EPHA5: variants seen among roughly 807,000 people sequenced by gnomAD.
The protein encoded by EPHA5 is ephrin type-A receptor 5.
Under a neutral mutation model 105.0 loss-of-function variants are expected in EPHA5, and 60 were observed. The ratio of observed to expected loss-of-function variants is 0.57; its 90% CI spans 0.46 to 0.71. The LOEUF is 0.71. Among genes scored for constraint, EPHA5 ranks in the 30% least tolerant of loss-of-function variants. EPHA5 has a pLI of 0.00. For missense variants in EPHA5, 1,218 were observed against 1,274.7 expected (o/e 0.96, Z 0.68); for synonymous variants, 513 against 449.1 (o/e 1.14, Z -1.80).
intron 14 of EPHA5, among the ~76,000 whole-genome samples, chr4:65,345,390 G>A (rs1435894372): frequency 6.6e-6 from 1 of 152,222 alleles, no homozygotes; most frequent in Non-Finnish European, 1.5e-5. Context: ...GAAATCATTC[G>A]TGGGAAAGCT....
At chr4:65,522,780 A>T (rs1235977167) in intron 3 of EPHA5, among the ~76,000 whole-genome samples, 2 of 152,132 alleles carry the variant, frequency 1.3e-5, no homozygotes, top group East Asian at 3.9e-4. Flanking sequence ...TCTGTCCTTC[A>T]TGAGCTCTTC....
chr4:65,591,037 C>T (rs1289294672), intron 3 of EPHA5, among the ~76,000 whole-genome samples: 1 of 152,058 alleles, frequency 6.6e-6, no homozygotes, highest in African/African-American at 2.4e-5. Flanking sequence ...CCCCCTACTC[C>T]AGATCTCATT....
chr4:65,346,734 A>T (rs998015683), intron 14 of EPHA5, among the ~76,000 whole-genome samples: 1 of 152,184 alleles, frequency 6.6e-6, no homozygotes, highest in Admixed American at 6.5e-5. Context: ...TACCCATCTG[A>T]CAAATGGCTA....
rs773082683 is a variant in EPHA5 at position 65,353,065 on chromosome 4, C to A, written c.2212G>T (p.Gly738Cys). The change falls in exon 12 of 17, where the codon GGC (glycine) becomes TGC (cysteine). Residue 738 changes from glycine to cysteine, a missense_variant. Gly to Cys is a radical substitution (Grantham distance 159). Transcript: ENST00000613740. ...VMIVTEYMEN[G>C]SLDTFLKKND... ...ACCTTCAAAAATGTATCTAAAGAGC[C>A]ATTCTCCATATACTCTGTCACGATC... The A allele has an allele frequency of 8.9e-6, 14 of 1,566,806 alleles. No individual in the cohort carries two copies. Among genetic ancestry groups the A allele is most frequent in the Non-Finnish European group, 1.2e-5 (14 of 1,158,238 alleles).
At chr4:65,437,082 AAAAC>A (rs139658609) in intron 5 of EPHA5, among the ~76,000 whole-genome samples, 1,566 of 152,214 alleles carry the variant, frequency 0.01, 29 homozygotes, top group African/African-American at 0.036. Context: ...TTAAAATGTA[AAAAC>A]AAACAATAAT....
chr4:65,363,301 C>T (rs1313408309), intron 11 of EPHA5, among the ~76,000 whole-genome samples: 1 of 151,514 alleles, frequency 6.6e-6, no homozygotes, highest in Non-Finnish European at 1.5e-5. Context: ...CACAATAATG[C>T]TATAAGGTAT....
chr4:65,666,295 A>G (rs1035205859), intron 1 of EPHA5, among the ~76,000 whole-genome samples: 14 of 152,206 alleles, frequency 9.2e-5, no homozygotes, highest in African/African-American at 3.1e-4. Context: ...CTGGGACATT[A>G]CTGACTGTAG....
intron 3 of EPHA5, among the ~76,000 whole-genome samples, chr4:65,510,036 T>G (rs1733449136): frequency 6.7e-6 from 1 of 149,156 alleles, no homozygotes; most frequent in Non-Finnish European, 1.5e-5. Flanking sequence ...TACTTCTTTT[T>G]TTTTTTTTTT....
At chr4:65,477,948 A>T (rs1226768113) in intron 5 of EPHA5, among the ~76,000 whole-genome samples, 1 of 152,116 alleles carries the variant, frequency 6.6e-6, no homozygotes, top group Non-Finnish European at 1.5e-5. Context: ...CTCTGGCAAG[A>T]CTCTAAAGTC....
chr4:65,323,213 C>T lies in EPHA5; in HGVS notation c.*901G>A, dbSNP rs921438961. Reference sequence around the variant, plus strand: ...TCCTTTTAGTGAATAAAGAGATTAGCTTTTGGACACATGAGAGGAAAAGAG... The same window carrying T: ...TCCTTTTAGTGAATAAAGAGATTAGTTTTTGGACACATGAGAGGAAAAGAG... On this transcript the variant is annotated 3_prime_UTR_variant, in exon 17 of 17. Coordinates refer to ENST00000613740, the MANE Select transcript of EPHA5 (RefSeq NM_001281766.3). The T allele has an allele frequency of 3.1e-5, 7 of 228,772 alleles. No individual in the cohort carries two copies. The highest frequency in any genetic ancestry group is 6.1e-5 in the Non-Finnish European group (7 of 115,310). 14.2% of individuals were successfully genotyped at this position (228,772 alleles called of 1,614,324 possible). A position where few individuals can be genotyped will look rare whatever the true frequency, so the allele number is the denominator to read the frequency against.
At chr4:65,447,199 G>A (rs1024337345) in intron 5 of EPHA5, among the ~76,000 whole-genome samples, 3 of 151,826 alleles carry the variant, frequency 2.0e-5, no homozygotes, top group African/African-American at 4.8e-5. Flanking sequence ...AATGGATTGC[G>A]GGTTGGGGGG....
chr4:65,408,109 G>A (rs1429664896), intron 7 of EPHA5, among the ~76,000 whole-genome samples: 2 of 151,984 alleles, frequency 1.3e-5, no homozygotes, highest in Non-Finnish European at 2.9e-5. Flanking sequence ...TTTTTGAATT[G>A]TTTATTCTTT....
At chr4:65,574,699 C>CACAT (rs1553942808) in intron 3 of EPHA5, among the ~76,000 whole-genome samples, 4 of 77,908 alleles carry the variant, frequency 5.1e-5, no homozygotes, top group African/African-American at 9.3e-5. Flanking sequence ...CATATATATA[C>CACAT]ATATATATAC....
At chr4:65,361,257 T>C (rs571540221) in intron 11 of EPHA5, among the ~76,000 whole-genome samples, 17 of 151,728 alleles carry the variant, frequency 1.1e-4, no homozygotes, top group African/African-American at 3.9e-4. Flanking sequence ...ACTGATCTCA[T>C]AGAGGTCACA....
intron 14 of EPHA5, among the ~76,000 whole-genome samples, chr4:65,342,007 G>A (rs571267689): frequency 3.0e-4 from 45 of 152,104 alleles, no homozygotes; most frequent in African/African-American, 1.1e-3. Flanking sequence ...GATATATTAT[G>A]TTTTTTTCTT....
intron 2 of EPHA5, among the ~76,000 whole-genome samples, chr4:65,607,572 T>G (rs775207037): frequency 6.6e-6 from 1 of 151,940 alleles, no homozygotes; most frequent in South Asian, 2.1e-4. Context: ...CCAACAAATA[T>G]GCGAAAAAAA....
chr4:65,641,869 T>C (rs1280543535), intron 2 of EPHA5, among the ~76,000 whole-genome samples: 1 of 152,090 alleles, frequency 6.6e-6, no homozygotes, highest in Non-Finnish European at 1.5e-5. Context: ...ATGAAGTTGT[T>C]AGAATAATTT....
chr4:65,613,358 C>G (rs1010774349), intron 2 of EPHA5, among the ~76,000 whole-genome samples: 19 of 152,034 alleles, frequency 1.2e-4, no homozygotes, highest in African/African-American at 4.3e-4. Context: ...ACAATTTGGG[C>G]TCTTTTGAGA....
intron 5 of EPHA5, among the ~76,000 whole-genome samples, chr4:65,442,601 C>G (rs1726126881): frequency 6.6e-6 from 1 of 152,060 alleles, no homozygotes; most frequent in Admixed American, 6.6e-5. Context: ...AACTGGACAT[C>G]CAGATATGTA....
Sources: allele counts gnomAD v4.1 joint callset (sites outside exome capture counted in the v4.1 genomes callset), GRCh38; gene constraint gnomAD v4.1.1; transcripts MANE v1.5; gene names NCBI Gene and HGNC (gene_info 2026-07-23, HGNC 2026-07-21).